SEMA3D: variants seen among roughly 807,000 people sequenced by gnomAD.
The protein encoded by SEMA3D is semaphorin-3D.
SEMA3D carries 84 observed loss-of-function variants against 100.1 expected under a neutral mutation model. That is an observed-to-expected ratio of 0.84 (90% CI 0.70 to 1.01). The LOEUF (loss-of-function observed/expected upper bound fraction) is 1.01. Ranked by LOEUF, SEMA3D falls within the 50% of genes least tolerant of loss-of-function variation. SEMA3D has a pLI of 0.00. For missense variants in SEMA3D, 875 were observed against 934.1 expected (o/e 0.94, Z 0.82); for synonymous variants, 312 against 320.7 (o/e 0.97, Z 0.29).
chr7:85,096,711 C>T (rs1029792642), intron 4 of SEMA3D, among the ~76,000 whole-genome samples: 3 of 151,780 alleles, frequency 2.0e-5, no homozygotes, highest in African/African-American at 7.3e-5. Flanking sequence ...AATATTACTA[C>T]ATATGAAGAT....
the SEMA3D span, among the ~76,000 whole-genome samples, chr7:85,234,466 T>C: frequency 6.6e-6 from 1 of 152,044 alleles, no homozygotes; most frequent in Non-Finnish European, 1.5e-5. Context: ...AAATGAGAGA[T>C]TGAGAGATCA....
the SEMA3D span, among the ~76,000 whole-genome samples, chr7:85,244,660 A>G: frequency 5.9e-5 from 9 of 151,852 alleles, no homozygotes; most frequent in Non-Finnish European, 8.8e-5. Flanking sequence ...TAGTGTTAAA[A>G]TCTAAATTAT....
At chr7:85,228,879 T>C in the SEMA3D span, among the ~76,000 whole-genome samples, 1 of 152,054 alleles carries the variant, frequency 6.6e-6, no homozygotes, top group South Asian at 2.1e-4. Context: ...CTCTGTCTTG[T>C]GGCCTGTTTT....
Position 85,006,833 on chromosome 7 carries a change from A to C in SEMA3D, c.1877T>G (p.Ile626Ser), listed in dbSNP as rs2115746329. The change falls in exon 18 of 19, where the codon ATC (isoleucine) becomes AGC (serine). Residue 626 changes from isoleucine to serine, a missense_variant. Physicochemically the swap from Ile to Ser is moderately radical, Grantham distance 142 (BLOSUM62 -2). Transcript: ENST00000284136. ...TCGATGCTCATCCCCTGACCTCTGG[A>C]TATACCATTTAATAGTTGCTTGTTG... ...KSQQATIKWY[I>S]QRSGDEHREE... 1 of 1,610,608 alleles carries C rather than the reference A, an allele frequency of 6.2e-7. No individual in the cohort carries two copies. Among genetic ancestry groups the C allele is most frequent in the Non-Finnish European group, 8.5e-7 (1 of 1,177,856 alleles).
chr7:85,143,599 C>CCTAT (rs1223057168), intron 2 of SEMA3D, among the ~76,000 whole-genome samples: 3 of 152,222 alleles, frequency 2.0e-5, no homozygotes, highest in African/African-American at 7.2e-5. Context: ...GGAACACCAT[C>CCTAT]CTATGTGTAG....
At position 84,995,790 on chromosome 7, in the gene SEMA3D, A is replaced by T. The variant is rs1438840272; in HGVS notation, c.*3650T>A. ...ATCATCTATCTCAAACCCTTTCCATAAATACTTTATACTATAAAATATTTA... is the reference window on the plus strand; with the variant it reads ...ATCATCTATCTCAAACCCTTTCCATTAATACTTTATACTATAAAATATTTA... On this transcript the variant is annotated 3_prime_UTR_variant, in exon 19 of 19. Transcript: ENST00000284136. 1.3e-5 allele frequency: 2 copies of T among 151,912 alleles called. No individual in the cohort carries two copies. Among genetic ancestry groups the T allele is most frequent in the East Asian group, 1.9e-4 (1 of 5,194 alleles). The allele number at this position is 151,912 out of a possible 1,614,324, so 9.4% of individuals were successfully genotyped here.
intron 2 of SEMA3D, chr7:85,141,944 CA>C: frequency 2.0e-6 from 2 of 979,408 alleles, no homozygotes; most frequent in Non-Finnish European, 2.4e-6. Flanking sequence ...ACTTTGCACT[CA>C]AAAAAAGAGA....
intron 6 of SEMA3D, among the ~76,000 whole-genome samples, chr7:85,071,847 G>C: frequency 6.6e-6 from 1 of 152,182 alleles, no homozygotes; most frequent in East Asian, 1.9e-4. Context: ...TGGAAACCTT[G>C]TTATGATGCA....
chr7:85,102,952 A>G (rs1395484408), intron 3 of SEMA3D, among the ~76,000 whole-genome samples: 2 of 152,110 alleles, frequency 1.3e-5, no homozygotes, highest in Non-Finnish European at 2.9e-5. Flanking sequence ...TTTCCAAATG[A>G]TTTAACATTG....
intron 1 of SEMA3D, among the ~76,000 whole-genome samples, chr7:85,176,738 G>A (rs1791239106): frequency 6.6e-6 from 1 of 151,494 alleles, no homozygotes; most frequent in Admixed American, 6.6e-5. Flanking sequence ...GGAATAATGT[G>A]TAAAGTAACA....
intron 2 of SEMA3D, among the ~76,000 whole-genome samples, chr7:85,135,150 C>T (rs1172718937): frequency 6.6e-6 from 1 of 151,682 alleles, no homozygotes; most frequent in South Asian, 2.1e-4. Flanking sequence ...ATAAGATTTT[C>T]TTTGAAATTT....
At chr7:85,198,319 C>T in the SEMA3D span, among the ~76,000 whole-genome samples, 1 of 152,034 alleles carries the variant, frequency 6.6e-6, no homozygotes, top group Middle Eastern at 3.2e-3. Flanking sequence ...TATTGTCTCA[C>T]TAAATATTGT....
chr7:85,076,210 A>G (rs951660333), intron 5 of SEMA3D, among the ~76,000 whole-genome samples: 9 of 152,220 alleles, frequency 5.9e-5, no homozygotes, highest in South Asian at 2.1e-4. Context: ...TCCTACCTAC[A>G]TGGCTTTCCG....
At chr7:85,065,659 A>G in intron 7 of SEMA3D, 107 bp from the exon 8 acceptor site, 2 of 779,396 alleles carry the variant, frequency 2.6e-6, no homozygotes, top group Non-Finnish European at 4.1e-6. Flanking sequence ...GTTTCTTAAT[A>G]TCAGAATGTA....
At position 85,054,829 on chromosome 7, in the gene SEMA3D, A is replaced by G. The variant is rs982258106; in HGVS notation, c.861+888T>C. Among the ~76,000 whole-genome samples, 39 of 152,210 alleles carry G rather than the reference A, an allele frequency of 2.6e-4. No homozygotes were observed. The Middle Eastern group carries it at 0.01, about 40-fold the overall frequency. On this transcript the variant is annotated intron_variant, in intron 9 of 18. Coordinates refer to ENST00000284136, the MANE Select transcript of SEMA3D (RefSeq NM_001384900.1). ...AGTTGATGCTAAAGGTGTCTTTTTA[A>G]GAAAAGTTATTTCAGTGGAGACAAA... is the stretch of plus-strand genomic sequence containing the variant.
At chr7:85,187,057 A>G (rs1791578459), upstream of SEMA3D, among the ~76,000 whole-genome samples, 1 of 152,110 alleles carries the variant, frequency 6.6e-6, no homozygotes, top group South Asian at 2.1e-4. Context: ...CAGTCTTTCT[A>G]AAAAGAGGAT....
intron 4 of SEMA3D, among the ~76,000 whole-genome samples, chr7:85,096,317 T>C (rs994333708): frequency 6.6e-6 from 1 of 151,944 alleles, no homozygotes; most frequent in Non-Finnish European, 1.5e-5. Flanking sequence ...GGAATGGAGC[T>C]ATAATTTTAG....
Position 85,068,269 on chromosome 7 carries a change from G to A in SEMA3D, c.511C>T (p.Leu171=), listed in dbSNP as rs1265344002. The part of the protein sequence containing the change: ...GVYKEDIIFK[L]DTHNLESGRL... ...CCAGACTCCAAATTATGTGTGTCTAGTTTGAATATAATATCCTGTTATGAG... is the reference window on the plus strand; with the variant it reads ...CCAGACTCCAAATTATGTGTGTCTAATTTGAATATAATATCCTGTTATGAG... The change falls in exon 7 of 19, where the codon CTA becomes TTA. Residue 171 remains leucine, a synonymous_variant. Coordinates refer to ENST00000284136, the MANE Select transcript of SEMA3D (RefSeq NM_001384900.1). 6.3e-7 allele frequency: 1 copy of A among 1,583,218 alleles called. No homozygotes were observed.
At chr7:85,066,927 G>C (rs1227329535) in intron 7 of SEMA3D, among the ~76,000 whole-genome samples, 12 of 138,742 alleles carry the variant, frequency 8.6e-5, no homozygotes, top group African/African-American at 4.1e-4. Flanking sequence ...GAGAGAGAGA[G>C]AGAGAGAGAG....
Sources: allele counts gnomAD v4.1 joint callset (sites outside exome capture counted in the v4.1 genomes callset), GRCh38; gene constraint gnomAD v4.1.1; transcripts MANE v1.5; gene names NCBI Gene and HGNC (gene_info 2026-07-23, HGNC 2026-07-21).